The following LRP1B variants were observed in gnomAD, a reference collection of about 807,000 sequenced individuals.
The protein encoded by LRP1B is LDL receptor related protein 1B.
In LRP1B, 217 loss-of-function variants were observed where a neutral mutation model predicts 556.6. The ratio of observed to expected loss-of-function variants is 0.39; its 90% CI spans 0.35 to 0.44. The LOEUF is 0.44. Among genes scored for constraint, LRP1B ranks in the 20% least tolerant of loss-of-function variants. LRP1B has a pLI of 1.00. For synonymous variants in LRP1B, 2,047 were observed against 1,865.8 expected, an observed-to-expected ratio of 1.10 and a Z score of -2.50; for missense variants, 5,053 against 5,620.8, an observed-to-expected ratio of 0.90 and a Z score of 3.23.
intron 1 of LRP1B, among the ~76,000 whole-genome samples, chr2:142,010,179 G>A (rs1378741635): frequency 6.6e-6 from 1 of 152,002 alleles, no homozygotes; most frequent in East Asian, 1.9e-4. Context: ...ACTGAGTACA[G>A]GCCAGGGATG....
intron 3 of LRP1B, among the ~76,000 whole-genome samples, chr2:141,380,794 C>G (rs1689611380): frequency 6.6e-6 from 1 of 152,156 alleles, no homozygotes; most frequent in Admixed American, 6.5e-5. Context: ...GGACTGGTTT[C>G]TCTTTCACAT....
At chr2:140,723,987 A>C (rs549036121) in intron 35 of LRP1B, among the ~76,000 whole-genome samples, 1 of 152,310 alleles carries the variant, frequency 6.6e-6, no homozygotes, top group Middle Eastern at 3.4e-3. Context: ...AGATCTGGTA[A>C]TGAGGACTGA....
intron 3 of LRP1B, among the ~76,000 whole-genome samples, chr2:141,474,997 CCT>C (rs1682643733): frequency 6.6e-6 from 1 of 152,254 alleles, no homozygotes; most frequent in African/African-American, 2.4e-5. Flanking sequence ...TTTTCACTGA[CCT>C]CTGAACTTTC....
intron 35 of LRP1B, among the ~76,000 whole-genome samples, chr2:140,738,927 C>G (rs1573645483): frequency 1.3e-5 from 2 of 152,260 alleles, no homozygotes; most frequent in East Asian, 3.9e-4. Flanking sequence ...AGCACCAGCA[C>G]CTCTTAGAAA....
At chr2:140,661,721 C>CAGTTCTGG (rs1454155908) in intron 41 of LRP1B, among the ~76,000 whole-genome samples, 1 of 152,102 alleles carries the variant, frequency 6.6e-6, no homozygotes, top group Non-Finnish European at 1.5e-5. Flanking sequence ...GCAATGTAGA[C>CAGTTCTGG]AGTTCTGGAC....
rs1525594 is a variant in LRP1B, at chr2:141,025,624, C to A, written c.1790-5522G>T. 1.9e-3 allele frequency among the ~76,000 whole-genome samples: 291 copies of A among 152,214 alleles called. 2 individuals are homozygous for A. The highest frequency in any genetic ancestry group is 6.8e-3 in the African/African-American group (281 of 41,558). On this transcript the variant is annotated intron_variant, in intron 11 of 90. Transcript: ENST00000389484. ...CCTCCAGACTGTCTTTGAACTCAAG[C>A]AGCAACATCAGCTCTTTTTGGGTCT...
chr2:141,938,240 C>T lies in LRP1B; in HGVS notation c.83-127839G>A, dbSNP rs1000119011. ...GTTAATTTCTAAAGTATACAAGGAACTCACACACTCAATAACAAAAATATC... is the reference window on the plus strand; with the variant it reads ...GTTAATTTCTAAAGTATACAAGGAATTCACACACTCAATAACAAAAATATC... On this transcript the variant is annotated intron_variant, in intron 1 of 90. Coordinates refer to ENST00000389484, the MANE Select transcript of LRP1B (RefSeq NM_018557.3). Among the ~76,000 whole-genome samples the T allele has an allele frequency of 2.0e-5, 3 of 152,116 alleles. No individual in the cohort carries two copies. In the South Asian group the frequency reaches 6.2e-4, roughly 31 times the overall value.
At chr2:140,993,888 C>G (rs780461655) in intron 16 of LRP1B, 107 bp downstream of exon 16, 2 of 1,126,598 alleles carry the variant, frequency 1.8e-6, no homozygotes, top group Non-Finnish European at 1.3e-6. Flanking sequence ...AAACTAGGTT[C>G]AATCTGCATC....
intron 2 of LRP1B, among the ~76,000 whole-genome samples, chr2:141,541,383 C>T (rs190729828): frequency 4.9e-4 from 74 of 152,138 alleles, no homozygotes; most frequent in Middle Eastern, 3.4e-3. Flanking sequence ...AGTAAGATGA[C>T]ATTTGAGCTA....
chr2:140,520,301 T>C (rs1690104904), intron 49 of LRP1B, among the ~76,000 whole-genome samples: 1 of 152,102 alleles, frequency 6.6e-6, no homozygotes, highest in African/African-American at 2.4e-5. Flanking sequence ...TCATGTCCTT[T>C]GTAAGGACAT....
rs149077934 is a variant in LRP1B, at chr2:142,110,490, C to G, written c.82+20158G>C. Among the ~76,000 whole-genome samples, 257 of 151,954 alleles carry G rather than the reference C, an allele frequency of 1.7e-3. 1 individual carries two copies. Among genetic ancestry groups the G allele is most frequent in the African/African-American group, 5.9e-3 (245 of 41,450 alleles). ...GAGCAGTCATGATTTGAGGGGCCACCAATAAGTTAATAAGTAGTGGGAGAA... is the reference window on the plus strand; with the variant it reads ...GAGCAGTCATGATTTGAGGGGCCACGAATAAGTTAATAAGTAGTGGGAGAA... On this transcript the variant is annotated intron_variant, in intron 1 of 90. Coordinates refer to ENST00000389484, the MANE Select transcript of LRP1B (RefSeq NM_018557.3).
intron 11 of LRP1B, among the ~76,000 whole-genome samples, chr2:141,047,094 G>A (rs1347806945): frequency 1.6e-5 from 1 of 63,730 alleles, no homozygotes; most frequent in East Asian, 4.0e-4. Context: ...ATAAATGCAA[G>A]TGTCTGGGTC....
chr2:140,307,931 T>C (rs913301855), intron 83 of LRP1B, among the ~76,000 whole-genome samples: 1 of 151,810 alleles, frequency 6.6e-6, no homozygotes, highest in Admixed American at 6.6e-5. Flanking sequence ...TTTAGCAGAA[T>C]TCTTATTTAT....
chr2:140,842,575 CTTA>C (rs1316525388), intron 29 of LRP1B, among the ~76,000 whole-genome samples: 3 of 151,866 alleles, frequency 2.0e-5, no homozygotes, highest in Non-Finnish European at 4.4e-5. Flanking sequence ...CACATTTCTT[CTTA>C]TTTTTAGTTA....
Position 141,965,813 on chromosome 2 carries a change from AG to A in LRP1B, c.83-155413del, listed in dbSNP as rs1196531642. Among the ~76,000 whole-genome samples the A allele has an allele frequency of 2.0e-3, 294 of 146,584 alleles. 5 individuals are homozygous for A. In the East Asian group the frequency reaches 0.056, roughly 28 times the overall value. ...AATATGTATCCAAAAAAAAAAAAAAAGAAAATTGTTTTTTTTTTAAGAAAAT... is the reference window on the plus strand; with the variant it reads ...AATATGTATCCAAAAAAAAAAAAAAAAAAATTGTTTTTTTTTTAAGAAAAT... On this transcript the variant is annotated intron_variant, in intron 1 of 90. Coordinates refer to ENST00000389484, the MANE Select transcript of LRP1B (RefSeq NM_018557.3).
intron 1 of LRP1B, among the ~76,000 whole-genome samples, chr2:142,064,386 G>T (rs1705027022): frequency 6.6e-6 from 1 of 151,538 alleles, no homozygotes; most frequent in Admixed American, 6.6e-5. Flanking sequence ...GCATTCATGT[G>T]TGAAATATTT....
intron 31 of LRP1B, 78 bp downstream of exon 31, chr2:140,839,913 G>A (rs1385944501): frequency 7.2e-6 from 6 of 830,048 alleles, no homozygotes; most frequent in African/African-American, 1.8e-5. Context: ...TTTCTTTCAG[G>A]ATCTAGATCA....
At chr2:141,490,581 C>T (rs931545678) in intron 2 of LRP1B, among the ~76,000 whole-genome samples, 1 of 151,978 alleles carries the variant, frequency 6.6e-6, no homozygotes, top group African/African-American at 2.4e-5. Flanking sequence ...AAATTATTGT[C>T]ATTAGTTATA....
intron 3 of LRP1B, among the ~76,000 whole-genome samples, chr2:141,440,935 G>C (rs1680940183): frequency 6.6e-6 from 1 of 152,168 alleles, no homozygotes; most frequent in South Asian, 2.1e-4. Context: ...CAGTGCCACA[G>C]GGATGCTACT....
Sources: gnomAD v4.1 joint callset for allele counts (sites outside exome capture counted in the v4.1 genomes callset) on GRCh38, gnomAD v4.1.1 for gene constraint, MANE v1.5 for transcripts, NCBI Gene and HGNC (gene_info 2026-07-23, HGNC 2026-07-21) for gene names.